NPAS3: variants seen among roughly 807,000 people sequenced by gnomAD.
NPAS3 encodes the protein neuronal PAS domain-containing protein 3.
NPAS3 carries 14 observed loss-of-function variants against 73.1 expected under a neutral mutation model. That is an observed-to-expected ratio of 0.19 (90% CI 0.13 to 0.30). NPAS3 has a LOEUF of 0.30. Ranked by LOEUF, NPAS3 falls within the 10% of genes least tolerant of loss-of-function variation. The pLI is 1.00. For missense variants in NPAS3, 1,096 were observed against 1,250.0 expected (o/e 0.88, Z 1.86); for synonymous variants, 620 against 541.5 (o/e 1.14, Z -2.01).
At chr14:33,477,949 T>G (rs1190421935) in intron 4 of NPAS3, among the ~76,000 whole-genome samples, 1 of 152,144 alleles carries the variant, frequency 6.6e-6, no homozygotes, top group African/African-American at 2.4e-5. Flanking sequence ...GCTGTTACTT[T>G]GAGAATAGTT....
intron 1 of NPAS3, among the ~76,000 whole-genome samples, chr14:33,022,860 G>A (rs775855240): frequency 1.2e-4 from 18 of 152,044 alleles, no homozygotes; most frequent in South Asian, 8.3e-4. Flanking sequence ...CCAGTGTCAT[G>A]TTTGTAAGTT....
intron 2 of NPAS3, among the ~76,000 whole-genome samples, chr14:33,157,829 C>G (rs530996686): frequency 1.5e-4 from 23 of 152,248 alleles, no homozygotes; most frequent in African/African-American, 5.3e-4. Flanking sequence ...CTTAGTATCC[C>G]TGGGCTTCAG....
intron 3 of NPAS3, among the ~76,000 whole-genome samples, chr14:33,310,790 TACACACAC>T (rs57506320): frequency 0.081 from 11,533 of 142,040 alleles, 737 homozygotes; most frequent in African/African-American, 0.18. Flanking sequence ...AAATGTATGG[TACACACAC>T]ACACACACAC....
intron 7 of NPAS3, among the ~76,000 whole-genome samples, chr14:33,738,218 G>A (rs532723609): frequency 1.3e-5 from 2 of 152,190 alleles, no homozygotes; most frequent in East Asian, 1.9e-4. Context: ...GTCTTAATAG[G>A]TGAAATACTT....
At chr14:33,199,681 C>T (rs571706673) in intron 2 of NPAS3, among the ~76,000 whole-genome samples, 2 of 151,190 alleles carry the variant, frequency 1.3e-5, no homozygotes, top group African/African-American at 2.4e-5. Flanking sequence ...TTTCCTTTTC[C>T]TTCTCTTTGC....
chr14:33,368,470 G>T (rs751010625), intron 4 of NPAS3, among the ~76,000 whole-genome samples: 9 of 152,088 alleles, frequency 5.9e-5, no homozygotes, highest in Non-Finnish European at 1.2e-4. Context: ...ATAGGGTAAA[G>T]TCCAGGAATT....
At chr14:33,588,445 C>T (rs189625160) in intron 5 of NPAS3, among the ~76,000 whole-genome samples, 4 of 152,318 alleles carry the variant, frequency 2.6e-5, no homozygotes, top group Admixed American at 1.3e-4. Flanking sequence ...CCCGTAGACC[C>T]AAGTCCCCCT....
intron 4 of NPAS3, among the ~76,000 whole-genome samples, chr14:33,486,228 T>C (rs1443104507): frequency 1.3e-5 from 2 of 151,894 alleles, no homozygotes; most frequent in African/African-American, 4.8e-5. Flanking sequence ...GAGAAATAGA[T>C]AGTCTAACGG....
chr14:33,145,108 T>C (rs1016846338), intron 2 of NPAS3, among the ~76,000 whole-genome samples: 14 of 152,220 alleles, frequency 9.2e-5, no homozygotes, highest in Non-Finnish European at 1.2e-4. Flanking sequence ...CAACCAGAAT[T>C]TTGTTTAAGA....
Position 33,688,276 on chromosome 14 carries a change from T to C in NPAS3, c.733+11891T>C, listed in dbSNP as rs115502710. Among the ~76,000 whole-genome samples the C allele has an allele frequency of 1.6e-3, 251 of 152,336 alleles. 1 individual carries two copies. Among genetic ancestry groups the C allele is most frequent in the African/African-American group, 5.6e-3 (232 of 41,578 alleles). ...AAAGGAAAAAACTTGGTAGCACGTG[T>C]TCTCACTGGAAATTGACAATGAATG... On this transcript the variant is annotated intron_variant, in intron 6 of 11. Transcript: ENST00000356141.
intron 4 of NPAS3, among the ~76,000 whole-genome samples, chr14:33,506,580 A>G (rs1239003740): frequency 2.6e-5 from 4 of 152,068 alleles, no homozygotes; most frequent in Non-Finnish European, 5.9e-5. Flanking sequence ...CATCCAAACC[A>G]TCTTCTACGA....
chr14:33,515,235 T>C (rs1361326912), intron 4 of NPAS3, among the ~76,000 whole-genome samples: 1 of 152,110 alleles, frequency 6.6e-6, no homozygotes, highest in Non-Finnish European at 1.5e-5. Flanking sequence ...AGCATTCCAG[T>C]TACAACTTCA....
At chr14:33,592,109 A>C (rs2057089357) in intron 5 of NPAS3, among the ~76,000 whole-genome samples, 1 of 152,092 alleles carries the variant, frequency 6.6e-6, no homozygotes, top group African/African-American at 2.4e-5. Flanking sequence ...CACCTTATTC[A>C]CACCCCACCC....
intron 3 of NPAS3, among the ~76,000 whole-genome samples, chr14:33,221,912 C>T (rs557911495): frequency 6.6e-6 from 1 of 152,184 alleles, no homozygotes; most frequent in South Asian, 2.1e-4. Flanking sequence ...TAACAAAAGA[C>T]AGGTTATCAA....
At chr14:32,981,522 G>A (rs1489230018) in intron 1 of NPAS3, among the ~76,000 whole-genome samples, 1 of 152,236 alleles carries the variant, frequency 6.6e-6, no homozygotes, top group East Asian at 1.9e-4. Context: ...TTTTGCTGAG[G>A]AACTTTATCA....
intron 3 of NPAS3, among the ~76,000 whole-genome samples, chr14:33,343,888 TC>T (rs2140320128): frequency 6.6e-6 from 1 of 152,314 alleles, no homozygotes; most frequent in East Asian, 1.9e-4. Context: ...CATTGTCTTT[TC>T]CACTCAAAAC....
intron 2 of NPAS3, among the ~76,000 whole-genome samples, chr14:33,178,425 G>A (rs532890232): frequency 1.3e-5 from 2 of 152,144 alleles, no homozygotes; most frequent in Admixed American, 6.5e-5. Context: ...ACGATATTAA[G>A]CCTTCTAATT....
In NPAS3 at chr14:33,265,721, TG is replaced by T. The variant is rs147315353; in HGVS notation, c.385+50299del. Among the ~76,000 whole-genome samples, 611 of 152,186 alleles carry T rather than the reference TG, an allele frequency of 4.0e-3. 4 individuals carry two copies. Among genetic ancestry groups the T allele is most frequent in the African/African-American group, 0.014 (586 of 41,530 alleles). ...CATGCATAAGTCAGCAATGTAGATC[TG>T]GGGCCCAAGCTTGTGACTACTATAT... On this transcript the variant is annotated intron_variant, in intron 3 of 11. Transcript: ENST00000356141.
At chr14:33,062,034 A>G (rs182434992) in intron 2 of NPAS3, among the ~76,000 whole-genome samples, 1 of 151,942 alleles carries the variant, frequency 6.6e-6, no homozygotes, top group African/African-American at 2.4e-5. Context: ...GGGAACGGTG[A>G]CAGGAGGTGA....
Sources: allele counts gnomAD v4.1 joint callset (sites outside exome capture counted in the v4.1 genomes callset), GRCh38; gene constraint gnomAD v4.1.1; transcripts MANE v1.5; gene names NCBI Gene and HGNC (gene_info 2026-07-23, HGNC 2026-07-21).